Variants in CHD9 observed in about 807,000 individuals in gnomAD.
CHD9 encodes the protein chromodomain helicase DNA binding protein 9, also known as ATP-dependent chromatin remodeler CHD9.
Under a neutral mutation model 316.1 loss-of-function variants are expected in CHD9, and 77 were observed. That is an observed-to-expected ratio of 0.24 (90% CI 0.20 to 0.29). CHD9 has a LOEUF of 0.29. Among genes scored for constraint, CHD9 ranks in the 10% least tolerant of loss-of-function variants. CHD9 has a pLI of 1.00. For missense variants in CHD9, 2,763 were observed against 3,438.1 expected, an observed-to-expected ratio of 0.80 and a Z score of 4.91; for synonymous variants, 1,129 against 1,158.3, an observed-to-expected ratio of 0.97 and a Z score of 0.51.
At chr16:53,063,547 T>C (rs2033179510) in intron 1 of CHD9, among the ~76,000 whole-genome samples, 1 of 152,062 alleles carries the variant, frequency 6.6e-6, no homozygotes, top group Non-Finnish European at 1.5e-5. Flanking sequence ...ATTTTTATTT[T>C]TTTGAGACAG....
At chr16:53,242,702 C>G in intron 12 of CHD9, 138 bp from the exon 13 acceptor site, 3 of 679,154 alleles carry the variant, frequency 4.4e-6, no homozygotes, top group Non-Finnish European at 7.5e-6. Context: ...TAAAAGTTTT[C>G]ATTGTAAGGG....
rs200069064 is a variant in CHD9 at position 53,126,586 on chromosome 16, C to CTTTT, written c.-164-29324_-164-29321dup. On this transcript the variant is annotated intron_variant, in intron 1 of 38. Coordinates refer to ENST00000447540, the MANE Select transcript of CHD9 (RefSeq NM_001308319.2). ...ACCTTAGTTTTGCAGTTTCAGGATCCTTTTTTTTTTTTTTTTTTTGAGATA... is the reference window on the plus strand; with the variant it reads ...ACCTTAGTTTTGCAGTTTCAGGATCCTTTTTTTTTTTTTTTTTTTTTTTGAGATA... Among the ~76,000 whole-genome samples the CTTTT allele has an allele frequency of 4.2e-3, 493 of 117,622 alleles. 3 individuals are homozygous for CTTTT. Among genetic ancestry groups the CTTTT allele is most frequent in the South Asian group, 9.3e-3 (31 of 3,346 alleles). 77.2% of individuals were successfully genotyped at this position (117,622 alleles called of 152,430 possible). A position where few individuals can be genotyped will look rare whatever the true frequency, so the allele number is the denominator to read the frequency against.
chr16:53,197,732 G>A (rs977723313), intron 2 of CHD9, among the ~76,000 whole-genome samples: 7 of 150,068 alleles, frequency 4.7e-5, no homozygotes, highest in Admixed American at 2.7e-4. Flanking sequence ...TCTCTGCGCC[G>A]CAACCTCCGT....
intron 1 of CHD9, among the ~76,000 whole-genome samples, chr16:53,149,669 C>T (rs1414207730): frequency 6.6e-6 from 1 of 151,220 alleles, no homozygotes; most frequent in Non-Finnish European, 1.5e-5. Flanking sequence ...CAGCCTCAGC[C>T]TCCCAGTTAG....
intron 12 of CHD9, among the ~76,000 whole-genome samples, chr16:53,240,628 ACTT>A (rs1005185560): frequency 6.6e-6 from 1 of 152,060 alleles, no homozygotes; most frequent in Non-Finnish European, 1.5e-5. Flanking sequence ...TGAATATTTA[ACTT>A]CTTTTTTTTT....
chr16:53,176,350 T>C (rs1419346840), intron 2 of CHD9, among the ~76,000 whole-genome samples: 6 of 152,250 alleles, frequency 3.9e-5, no homozygotes, highest in Non-Finnish European at 7.3e-5. Context: ...CTTCCACTTA[T>C]AAGGACCCTA....
chr16:53,290,777 C>T (rs1479677410), intron 27 of CHD9, among the ~76,000 whole-genome samples: 1 of 151,188 alleles, frequency 6.6e-6, no homozygotes, highest in Non-Finnish European at 1.5e-5. Flanking sequence ...GACCCTGTCT[C>T]GAAAAACAAA....
At chr16:53,133,257 C>CAG (rs2039465708) in intron 1 of CHD9, among the ~76,000 whole-genome samples, 1 of 151,914 alleles carries the variant, frequency 6.6e-6, no homozygotes, top group Non-Finnish European at 1.5e-5. Context: ...GAGATGATAT[C>CAG]CTAAAGGCAC....
At chr16:53,262,710 T>C (rs1388483500) in intron 19 of CHD9, among the ~76,000 whole-genome samples, 1 of 152,162 alleles carries the variant, frequency 6.6e-6, no homozygotes, top group East Asian at 1.9e-4. Context: ...CCATTCTCTG[T>C]AGCCTCCCCA....
rs758101560 is a variant in CHD9, at chr16:53,308,825, T to C, written c.7193T>C (p.Val2398Ala). 2 of 1,613,590 alleles carry C rather than the reference T, an allele frequency of 1.2e-6. No individual in the cohort carries two copies. The highest frequency in any genetic ancestry group is 1.3e-5 in the African/African-American group (1 of 74,922). ...ELQSASETSL[V>A]NFPKSIPVSG... ...CAAAGTGCATCAGAGACCAGCCTCG[T>C]CAATTTCCCAAAATCCATACCAGTA... is the stretch of plus-strand genomic sequence containing the variant. Residue 2398 changes from valine (V) to alanine (A), a missense_variant, in exon 34 of 39, where the codon GTC (valine) becomes GCC (alanine). By Grantham distance (64) the Val-to-Ala change is moderately conservative. This residue lies in a region of CHD9 where 663 missense variants were observed against 751.2 expected (regional missense o/e 0.88). Coordinates refer to ENST00000447540, the MANE Select transcript of CHD9 (RefSeq NM_001308319.2).
intron 1 of CHD9, among the ~76,000 whole-genome samples, chr16:53,133,495 A>G (rs1353100064): frequency 6.6e-6 from 1 of 152,140 alleles, no homozygotes; most frequent in Non-Finnish European, 1.5e-5. Flanking sequence ...CTCTTCTTGG[A>G]TAGAGTGCTG....
chr16:53,300,958 A>G (rs1475204167), intron 30 of CHD9, among the ~76,000 whole-genome samples: 1 of 152,214 alleles, frequency 6.6e-6, no homozygotes, highest in Non-Finnish European at 1.5e-5. Context: ...CCATAATCCC[A>G]GCTATTCAGA....
chr16:53,234,928 G>A (rs1448841310), intron 10 of CHD9, among the ~76,000 whole-genome samples: 1 of 152,004 alleles, frequency 6.6e-6, no homozygotes. Context: ...AGGGACATTG[G>A]TCTGTAGTTT....
intron 17 of CHD9, chr16:53,250,326 C>T: frequency 2.7e-6 from 1 of 370,194 alleles, no homozygotes; most frequent in Non-Finnish European, 4.9e-6. Flanking sequence ...TAATTGAGTA[C>T]AGTACTTTTT....
At chr16:53,311,661 T>G (rs1020039098) in intron 34 of CHD9, 2 of 152,146 alleles carry the variant, frequency 1.3e-5, no homozygotes, top group Admixed American at 1.3e-4. Flanking sequence ...GAGAGTAAAA[T>G]AGCATAGATT....
At chr16:53,149,074 T>C (rs1378126463) in intron 1 of CHD9, among the ~76,000 whole-genome samples, 1 of 152,234 alleles carries the variant, frequency 6.6e-6, no homozygotes, top group Non-Finnish European at 1.5e-5. Flanking sequence ...CTAATTTGGC[T>C]TCTGTTATCG....
chr16:53,148,011 C>T (rs2040773630), intron 1 of CHD9, among the ~76,000 whole-genome samples: 1 of 151,950 alleles, frequency 6.6e-6, no homozygotes, highest in Non-Finnish European at 1.5e-5. Context: ...CAAGATCAGC[C>T]TAGCCAAAAT....
chr16:53,077,224 G>A (rs570414041), intron 1 of CHD9, among the ~76,000 whole-genome samples: 14 of 152,062 alleles, frequency 9.2e-5, no homozygotes, highest in Non-Finnish European at 1.9e-4. Context: ...CTGACCTCAG[G>A]TGATCCGCCT....
At position 53,296,986 on chromosome 16, in the gene CHD9, T is replaced by C. The variant is rs367830846; in HGVS notation, c.5541T>C (p.Tyr1847=). Residue 1847 remains tyrosine (Y), a synonymous_variant, in exon 30 of 39, where the codon TAT becomes TAC. Coordinates refer to ENST00000447540, the MANE Select transcript of CHD9 (RefSeq NM_001308319.2). ...RWTRREEADF[Y]RVVSTFGVVF... is the part of the protein sequence containing the mutation. ...CAAGAAGAGAAGAAGCTGACTTTTA[T>C]AGGGTTGTATCTACATTTGGAGTGG... The C allele has an allele frequency of 6.2e-6, 10 of 1,613,638 alleles. No homozygotes were observed. The highest frequency in any genetic ancestry group is 2.2e-5 in the East Asian group (1 of 44,862).
Sources: allele counts gnomAD v4.1 joint callset (sites outside exome capture counted in the v4.1 genomes callset), GRCh38; gene constraint gnomAD v4.1.1; regional missense constraint gnomAD v4.1.1; transcripts MANE v1.5; gene names NCBI Gene and HGNC (gene_info 2026-07-23, HGNC 2026-07-21).